The following PABPC1L variants were observed in gnomAD, a reference collection of about 807,000 sequenced individuals.
The protein encoded by PABPC1L is poly(A) binding protein cytoplasmic 1 like.
A neutral mutation model predicts 66.6 loss-of-function variants in PABPC1L; 31 were observed. The ratio of observed to expected loss-of-function variants is 0.47; its 90% CI spans 0.35 to 0.63. PABPC1L has a LOEUF of 0.63. Ranked by LOEUF, PABPC1L falls within the 20% of genes least tolerant of loss-of-function variation. The pLI is 0.00. For synonymous variants in PABPC1L, 348 were observed against 335.1 expected, an observed-to-expected ratio of 1.04 and a Z score of -0.42; for missense variants, 722 against 848.8, an observed-to-expected ratio of 0.85 and a Z score of 1.86.
chr20:44,938,878 AG>A (rs2066922156), intron 14 of PABPC1L, 130 bp downstream of exon 14: 1 of 940,810 alleles, frequency 1.1e-6, no homozygotes, highest in African/African-American at 1.6e-5. Flanking sequence ...AAGAGTTTGG[AG>A]GAAGTTGTGA....
chr20:44,938,831 G>GC, intron 14 of PABPC1L, 83 bp downstream of exon 14: 1 of 1,344,082 alleles, frequency 7.4e-7, no homozygotes. Context: ...CAAACACTGA[G>GC]AATTGCGCCG....
At position 44,930,679 on chromosome 20, in the gene PABPC1L, G is replaced by C. The variant is rs754911402; in HGVS notation, c.1192G>C (p.Gly398Arg). The C allele has an allele frequency of 1.1e-5, 18 of 1,614,090 alleles. No homozygotes were observed. In the East Asian group the frequency reaches 3.8e-4, roughly 34 times the overall value. Residue 398 changes from glycine (G) to arginine (R), a missense_variant, in exon 8 of 15, where the codon GGC (glycine) becomes CGC (arginine). Around this residue, in one of 3 missense-constraint regions of PABPC1L, gnomAD observed 301 missense variants for 337.2 expected, o/e 0.89. Transcript: ENST00000217073. ...TMRTLSNPLL[G>R]SFQQPSSYFL... is the part of the protein sequence containing the mutation. ...GCGGACCCTGAGCAACCCCCTCCTG[G>C]GCTCCTTTCAGCAGCCCTCCAGCTA...
chr20:44,937,059 GC>G (rs2066906808), intron 12 of PABPC1L: 2 of 490,896 alleles, frequency 4.1e-6, no homozygotes. Flanking sequence ...CTGAGAAATG[GC>G]TTGTAGGTGG....
In PABPC1L at chr20:44,910,183, T is replaced by C; in HGVS notation, c.40T>C (p.Tyr14His). The C allele has an allele frequency of 1.3e-6, 2 of 1,580,962 alleles. No individual in the cohort carries two copies. Among genetic ancestry groups the C allele is most frequent in the African/African-American group, 2.7e-5 (2 of 73,824 alleles). ...TTCTGGCTACCCGCTTGCCTCGCTT[T>C]ACGTGGGCGATCTGCACCCCGACGT... ...SGSGYPLASL[Y>H]VGDLHPDVTE... is the part of the protein sequence containing the mutation. Residue 14 changes from tyrosine (Y) to histidine (H), a missense_variant, in exon 1 of 15, where the codon TAC becomes CAC. By Grantham distance (83) the Tyr-to-His change is moderately conservative. This residue lies in a region of PABPC1L where 284 missense variants were observed against 294.8 expected (regional missense o/e 0.96). Coordinates refer to ENST00000217073, the MANE Select transcript of PABPC1L (RefSeq NM_001372179.1).
rs1241653649 is a variant in PABPC1L, at chr20:44,924,228, C to T, written c.944C>T (p.Ser315Phe). The change falls in exon 7 of 15, where the codon TCT (serine) becomes TTT (phenylalanine). Residue 315 changes from serine (S) to phenylalanine (F), a missense_variant. Transcript: ENST00000217073. Reference protein sequence around the residue: ...IDDDKLRKEFSPYGVITSAKV... With the variant: ...IDDDKLRKEFFPYGVITSAKV... ...GACGACAAACTGAGGAAAGAGTTCT[C>T]TCCCTATGGAGTAATTACCAGTGCG... 1.2e-6 allele frequency: 2 copies of T among 1,613,896 alleles called. No homozygotes were observed. The highest frequency in any genetic ancestry group is 1.7e-6 in the Non-Finnish European group (2 of 1,179,868).
chr20:44,926,314 C>T (rs2145569576), intron 7 of PABPC1L, among the ~76,000 whole-genome samples: 1 of 152,204 alleles, frequency 6.6e-6, no homozygotes, highest in East Asian at 1.9e-4. Flanking sequence ...ACAACCTCCG[C>T]CTCCCGGGTT....
intron 7 of PABPC1L, among the ~76,000 whole-genome samples, chr20:44,924,876 G>A (rs1397762403): frequency 6.6e-6 from 1 of 151,908 alleles, no homozygotes; most frequent in Non-Finnish European, 1.5e-5. Context: ...GGCATAGAAT[G>A]TGGATCCCCG....
At chr20:44,925,815 G>T (rs918806324) in intron 7 of PABPC1L, among the ~76,000 whole-genome samples, 6 of 152,208 alleles carry the variant, frequency 3.9e-5, no homozygotes, top group Non-Finnish European at 5.9e-5. Context: ...CCAAGCAAAT[G>T]CATATACATT....
intron 11 of PABPC1L, among the ~76,000 whole-genome samples, chr20:44,935,897 G>T (rs1039430673): frequency 5.3e-5 from 8 of 152,164 alleles, no homozygotes; most frequent in Non-Finnish European, 8.8e-5. Context: ...ATCATATCCT[G>T]TGTAGAATTT....
intron 6 of PABPC1L, among the ~76,000 whole-genome samples, chr20:44,923,198 C>G (rs550208233): frequency 6.6e-6 from 1 of 152,330 alleles, no homozygotes; most frequent in East Asian, 1.9e-4. Context: ...GTTAGTCTGC[C>G]TGGGTTGTCC....
intron 7 of PABPC1L, among the ~76,000 whole-genome samples, chr20:44,927,016 C>G (rs1884955221): frequency 6.6e-6 from 1 of 151,812 alleles, no homozygotes; most frequent in African/African-American, 2.4e-5. Flanking sequence ...GCTGGGACCA[C>G]AGGCATGTGC....
rs899844714 is a variant in PABPC1L, at chr20:44,921,492, G to T, written c.739-102G>T. ...GTACTGATTATTCTCAGCTAGTGTG[G>T]CCAGCCTGGTTTGCAGGTGGCCCCT... On this transcript the variant is annotated intron_variant, in intron 5 of 14. Coordinates refer to ENST00000217073, the MANE Select transcript of PABPC1L (RefSeq NM_001372179.1). The T allele has an allele frequency of 2.7e-6, 4 of 1,499,832 alleles. No homozygotes were observed. The African/African-American group carries it at 4.2e-5, about 16-fold the overall frequency. 92.9% of individuals were successfully genotyped at this position (1,499,832 alleles called of 1,614,324 possible). A position where few individuals can be genotyped will look rare whatever the true frequency, so the allele number is the denominator to read the frequency against.
In PABPC1L at chr20:44,912,790, C is replaced by T. The variant is rs1387384088; in HGVS notation, c.324C>T (p.Asp108=). ...ACATCTTCATCAAGAACCTGGAGGA[C>T]TCCATTGACAACAAGGCTTTATATG... is the stretch of plus-strand genomic sequence containing the variant. The part of the protein sequence containing the change: ...VGNIFIKNLE[D]SIDNKALYDT... The change falls in exon 2 of 15, where the codon GAC becomes GAT. Residue 108 remains aspartate (D), a synonymous_variant. Transcript: ENST00000217073. 32 of 1,614,206 alleles carry T rather than the reference C, an allele frequency of 2.0e-5. No individual in the cohort carries two copies. Among genetic ancestry groups the T allele is most frequent in the Non-Finnish European group, 2.6e-5 (31 of 1,180,032 alleles).
At chr20:44,920,974 G>A (rs529277498) in intron 5 of PABPC1L, among the ~76,000 whole-genome samples, 77 of 148,868 alleles carry the variant, frequency 5.2e-4, no homozygotes, top group African/African-American at 1.8e-3. Flanking sequence ...CACCATGCCT[G>A]GCTAATTTTT....
Position 44,917,885 on chromosome 20 carries a change from G to A in PABPC1L, c.503+1014G>A, listed in dbSNP as rs79591601. Among the ~76,000 whole-genome samples, 651 of 152,292 alleles carry A rather than the reference G, an allele frequency of 4.3e-3. 5 individuals carry two copies. The highest frequency in any genetic ancestry group is 0.015 in the African/African-American group (611 of 41,566). The stretch of plus-strand genomic sequence containing the variant: ...CTCCAATTTACTCAAGTTCACCTTT[G>A]CCACTCAGTTTTCTTCAAATTTTGG... On this transcript the variant is annotated intron_variant, in intron 3 of 14. Coordinates refer to ENST00000217073, the MANE Select transcript of PABPC1L (RefSeq NM_001372179.1).
At chr20:44,917,022 T>C in intron 3 of PABPC1L, 151 bp downstream of exon 3, 1 of 663,466 alleles carries the variant, frequency 1.5e-6, no homozygotes, top group Non-Finnish European at 2.6e-6. Flanking sequence ...CCGGAGCAGC[T>C]GCTCAACCTC....
intron 7 of PABPC1L, 22 bp downstream of exon 7, chr20:44,924,278 G>A (rs759210225): frequency 1.2e-5 from 18 of 1,557,412 alleles, no homozygotes; most frequent in Admixed American, 3.3e-5. Flanking sequence ...GGGCACCTCC[G>A]GGGGACAGCG....
chr20:44,913,595 A>G (rs2066718839), intron 2 of PABPC1L, among the ~76,000 whole-genome samples: 2 of 152,036 alleles, frequency 1.3e-5, no homozygotes, highest in African/African-American at 4.8e-5. Context: ...TAATTTTTGT[A>G]TGTTTAGTGG....
chr20:44,922,430 G>C (rs1261147131), intron 6 of PABPC1L, among the ~76,000 whole-genome samples: 1 of 151,938 alleles, frequency 6.6e-6, no homozygotes, highest in African/African-American at 2.4e-5. Context: ...TAGAGACAGG[G>C]TTTCACCATG....
Sources: gnomAD v4.1 joint callset for allele counts (sites outside exome capture counted in the v4.1 genomes callset) on GRCh38, gnomAD v4.1.1 for gene constraint, gnomAD v4.1.1 regional missense constraint, MANE v1.5 for transcripts, NCBI Gene and HGNC (gene_info 2026-07-23, HGNC 2026-07-21) for gene names.